PARD3: variants seen among roughly 807,000 people sequenced by gnomAD.
PARD3 encodes partitioning defective 3 homolog.
A neutral mutation model predicts 155.4 loss-of-function variants in PARD3; 75 were observed. The observed-to-expected ratio is 0.48, with a 90% CI of 0.40 to 0.58. PARD3 has a LOEUF of 0.58. Ranked by LOEUF, PARD3 falls within the 20% of genes least tolerant of loss-of-function variation. PARD3 has a pLI of 0.00. For missense variants in PARD3, 1,642 were observed against 1,721.7 expected, an observed-to-expected ratio of 0.95 and a Z score of 0.82; for synonymous variants, 576 against 610.5, an observed-to-expected ratio of 0.94 and a Z score of 0.83.
chr10:34,372,392 C>A (rs925002835), intron 12 of PARD3, 106 bp downstream of exon 12: 4 of 876,344 alleles, frequency 4.6e-6, no homozygotes, highest in Non-Finnish European at 7.6e-6. Context: ...TTAAATATTA[C>A]GAGCCAGGAA....
chr10:34,588,487 C>T (rs1356904928), intron 2 of PARD3, among the ~76,000 whole-genome samples: 4 of 152,282 alleles, frequency 2.6e-5, no homozygotes, highest in South Asian at 2.1e-4. Flanking sequence ...AATCACCCGG[C>T]GCTTCAAGAA....
At chr10:34,260,465 T>A (rs1325507827) in intron 22 of PARD3, among the ~76,000 whole-genome samples, 1 of 152,128 alleles carries the variant, frequency 6.6e-6, no homozygotes, top group Non-Finnish European at 1.5e-5. Flanking sequence ...TCTTCAGCTA[T>A]TAAGGAGAGG....
At chr10:34,233,156 C>T (rs1318560664) in intron 22 of PARD3, among the ~76,000 whole-genome samples, 1 of 150,964 alleles carries the variant, frequency 6.6e-6, no homozygotes, top group African/African-American at 2.4e-5. Flanking sequence ...CCTACTACCC[C>T]ATCAGGCGTG....
intron 1 of PARD3, among the ~76,000 whole-genome samples, chr10:34,724,812 G>C (rs923076775): frequency 6.6e-6 from 1 of 152,214 alleles, no homozygotes; most frequent in African/African-American, 2.4e-5. Flanking sequence ...CTGAACATCA[G>C]TCTACTGGAT....
chr10:34,130,110 AAG>A (rs1315558678), intron 23 of PARD3, among the ~76,000 whole-genome samples: 1 of 152,116 alleles, frequency 6.6e-6, no homozygotes, highest in Non-Finnish European at 1.5e-5. Flanking sequence ...CTCACGTGCA[AAG>A]ATGGCAGGCC....
intron 21 of PARD3, among the ~76,000 whole-genome samples, chr10:34,277,864 G>A (rs945150736): frequency 6.6e-6 from 1 of 152,090 alleles, no homozygotes; most frequent in Non-Finnish European, 1.5e-5. Flanking sequence ...TTGTGCTTAG[G>A]GGGAGAGAGA....
chr10:34,341,955 T>C (rs2134315406), intron 15 of PARD3, 139 bp from the exon 16 acceptor site: 1 of 542,858 alleles, frequency 1.8e-6, no homozygotes, highest in East Asian at 3.1e-5. Context: ...AAACAGAATT[T>C]AGCACATTTA....
At chr10:34,178,124 G>A (rs1049751253) in intron 22 of PARD3, among the ~76,000 whole-genome samples, 2 of 152,134 alleles carry the variant, frequency 1.3e-5, no homozygotes, top group African/African-American at 4.8e-5. Flanking sequence ...ACACACTTTT[G>A]GCTGCAAATC....
At chr10:34,738,178 C>T (rs1714921631) in intron 1 of PARD3, among the ~76,000 whole-genome samples, 1 of 152,208 alleles carries the variant, frequency 6.6e-6, no homozygotes, top group African/African-American at 2.4e-5. Flanking sequence ...AAGACAAACA[C>T]ACATATGCTA....
chr10:34,549,305 T>A (rs974549648), intron 2 of PARD3, among the ~76,000 whole-genome samples: 6 of 151,734 alleles, frequency 4.0e-5, no homozygotes, highest in African/African-American at 1.5e-4. Context: ...TTTTAAATAA[T>A]TTTTTCCTTT....
chr10:34,322,665 C>G (rs563350285), intron 19 of PARD3, among the ~76,000 whole-genome samples: 1 of 151,948 alleles, frequency 6.6e-6, no homozygotes, highest in African/African-American at 2.4e-5. Context: ...ATATACAAAA[C>G]GAAAATATCA....
chr10:34,596,310 C>G (rs1189930025), intron 2 of PARD3, among the ~76,000 whole-genome samples: 1 of 151,904 alleles, frequency 6.6e-6, no homozygotes, highest in East Asian at 1.9e-4. Flanking sequence ...ATCACAAACA[C>G]ACAAATGTTT....
At chr10:34,198,796 A>T (rs902971872) in intron 22 of PARD3, among the ~76,000 whole-genome samples, 3 of 152,120 alleles carry the variant, frequency 2.0e-5, no homozygotes, top group Non-Finnish European at 2.9e-5. Flanking sequence ...GGGAAAGTCA[A>T]ACAGTCAGAT....
intron 22 of PARD3, among the ~76,000 whole-genome samples, chr10:34,192,905 T>G (rs1950779068): frequency 6.6e-6 from 1 of 152,188 alleles, no homozygotes; most frequent in South Asian, 2.1e-4. Flanking sequence ...TCTAAGTCTG[T>G]TTTTGAGGTA....
At chr10:34,765,856 CAT>C (rs1401323685) in intron 1 of PARD3, among the ~76,000 whole-genome samples, 2 of 152,168 alleles carry the variant, frequency 1.3e-5, no homozygotes, top group African/African-American at 2.4e-5. Flanking sequence ...TTTATTAACT[CAT>C]GTGATCCTCA....
chr10:34,519,872 T>TAACATAACATAACATAACAC (rs1554884096), intron 2 of PARD3, among the ~76,000 whole-genome samples: 8 of 146,332 alleles, frequency 5.5e-5, no homozygotes, highest in African/African-American at 2.0e-4. Context: ...TAACATAACA[T>TAACATAACATAACATAACAC]AACATAACAT....
chr10:34,775,083 C>T (rs1052675332), intron 1 of PARD3, among the ~76,000 whole-genome samples: 1 of 152,180 alleles, frequency 6.6e-6, no homozygotes, highest in African/African-American at 2.4e-5. Flanking sequence ...TTTTTAAAGT[C>T]ACAAATCCTT....
chr10:34,404,063 G>A (rs1365800789), intron 5 of PARD3, among the ~76,000 whole-genome samples: 1 of 152,250 alleles, frequency 6.6e-6, no homozygotes, highest in East Asian at 1.9e-4. Context: ...TGTTCCCACA[G>A]TGGCCATTAT....
chr10:34,613,643 T>C (rs953109102), intron 2 of PARD3, among the ~76,000 whole-genome samples: 7 of 152,112 alleles, frequency 4.6e-5, no homozygotes, highest in Non-Finnish European at 7.4e-5. Flanking sequence ...TTCTGCCTAT[T>C]ATAAGAACAG....
Sources: gnomAD v4.1 joint callset for allele counts (sites outside exome capture counted in the v4.1 genomes callset) on GRCh38, gnomAD v4.1.1 for gene constraint, MANE v1.5 for transcripts, NCBI Gene and HGNC (gene_info 2026-07-23, HGNC 2026-07-21) for gene names.